The following DCX variants were observed in gnomAD, a reference collection of about 807,000 sequenced individuals.
DCX encodes doublecortin, also known as neuronal migration protein doublecortin.
In DCX, 4 loss-of-function variants were observed where a neutral mutation model predicts 20.9. The observed-to-expected ratio is 0.19, with a 90% CI of 0.09 to 0.44. The LOEUF (loss-of-function observed/expected upper bound fraction) is 0.44. DCX is among the 20% of genes least tolerant of loss of function. The pLI, the probability that DCX is intolerant of heterozygous loss-of-function variation, is 0.99. For synonymous variants in DCX, 103 were observed against 111.4 expected, an observed-to-expected ratio of 0.92 and a Z score of 0.47; for missense variants, 133 against 296.9, an observed-to-expected ratio of 0.45 and a Z score of 4.06.
chrX:111,316,092 A>AAT (rs892595289), intron 5 of DCX, among the ~76,000 whole-genome samples: 9 of 96,357 alleles, frequency 9.3e-5, no homozygotes, highest in Non-Finnish European at 1.4e-4. Flanking sequence ...AAAATAAAAA[A>AAT]AAAAAAAAAA....
intron 3 of DCX, among the ~76,000 whole-genome samples, chrX:111,341,420 G>T (rs931862818): frequency 9.0e-6 from 1 of 111,163 alleles, no homozygotes; most frequent in Non-Finnish European, 1.9e-5. Context: ...AAAGGAGACA[G>T]GGAGAATGGA....
At chrX:111,320,068 C>T (rs949513209) in intron 5 of DCX, among the ~76,000 whole-genome samples, 5 of 112,540 alleles carry the variant, frequency 4.4e-5, no homozygotes, top group Non-Finnish European at 7.5e-5. Flanking sequence ...AACTACCATT[C>T]ACTTCACTGT....
chrX:111,334,717 T>C (rs1268147484), intron 3 of DCX, among the ~76,000 whole-genome samples: 1 of 112,095 alleles, frequency 8.9e-6, no homozygotes, highest in East Asian at 2.8e-4. Flanking sequence ...AGCACTTACA[T>C]ATAGATCAGT....
At position 111,299,263 on chromosome X, in the gene DCX, A is replaced by G. The variant is rs1260634907; in HGVS notation, c.*2424T>C. ...TGGCCATAAAGAAACATTTCCTTAT[A>G]CTCGATTAAAAGTAAGATGGAAGAT... On this transcript the variant is annotated 3_prime_UTR_variant, in exon 7 of 7. Coordinates refer to ENST00000636035, the MANE Select transcript of DCX (RefSeq NM_001195553.2). 1 of 111,462 alleles carries G rather than the reference A, an allele frequency of 9.0e-6. No homozygotes were observed. Among genetic ancestry groups the G allele is most frequent in the Non-Finnish European group, 1.9e-5 (1 of 53,119 alleles). 9.2% of individuals were successfully genotyped at this position (111,462 alleles called of 1,213,427 possible). A position where few individuals can be genotyped will look rare whatever the true frequency, so the allele number is the denominator to read the frequency against.
chrX:111,370,220 C>T, intron 3 of DCX, among the ~76,000 whole-genome samples: 1 of 111,640 alleles, frequency 9.0e-6, no homozygotes, highest in Admixed American at 9.6e-5. Context: ...AGTCATTTTA[C>T]TCTTTAGTAG....
chrX:111,367,745 C>T (rs1306068292), intron 3 of DCX, among the ~76,000 whole-genome samples: 1 of 110,913 alleles, frequency 9.0e-6, no homozygotes, highest in African/African-American at 3.3e-5. Context: ...ATGATAGCCC[C>T]CTCTCAATTT....
chrX:111,384,158 T>C (rs777910716), intron 3 of DCX, among the ~76,000 whole-genome samples: 3 of 111,746 alleles, frequency 2.7e-5, no homozygotes, highest in South Asian at 3.8e-4. Context: ...TTAGCCTTTA[T>C]ACCTTTATCT....
intron 1 of DCX, chrX:111,410,810 T>C (rs1390450382): frequency 1.7e-6 from 2 of 1,211,365 alleles, no homozygotes. Flanking sequence ...AACTGGCATC[T>C]GTTTCCTCAC....
At chrX:111,361,910 C>T (rs762657245) in intron 3 of DCX, among the ~76,000 whole-genome samples, 5 of 111,804 alleles carry the variant, frequency 4.5e-5, no homozygotes, top group East Asian at 2.8e-4. Flanking sequence ...GGAAAACTCT[C>T]GGTTGGTTTT....
intron 3 of DCX, among the ~76,000 whole-genome samples, chrX:111,383,661 C>T (rs1039391075): frequency 2.5e-4 from 28 of 111,336 alleles, no homozygotes; most frequent in African/African-American, 8.8e-4. Flanking sequence ...AGGCAAGGTC[C>T]CTTAATCTGT....
At chrX:111,362,238 T>C (rs187022951) in intron 3 of DCX, among the ~76,000 whole-genome samples, 39 of 111,519 alleles carry the variant, frequency 3.5e-4, no homozygotes, top group African/African-American at 1.3e-3. Context: ...GAATCAGAGC[T>C]TGAGTCGAAG....
intron 3 of DCX, among the ~76,000 whole-genome samples, chrX:111,345,163 T>C (rs35159632): frequency 8.9e-6 from 1 of 111,751 alleles, no homozygotes; most frequent in Non-Finnish European, 1.9e-5. Flanking sequence ...ATTCAATAAA[T>C]GGTACTGGGA....
chrX:111,405,574 G>A (rs1327433344), intron 2 of DCX, among the ~76,000 whole-genome samples: 1 of 111,279 alleles, frequency 9.0e-6, no homozygotes, highest in Non-Finnish European at 1.9e-5. Context: ...TTTGGGTTCA[G>A]AAAAGCTGGC....
At chrX:111,359,061 C>G (rs752723943) in intron 3 of DCX, among the ~76,000 whole-genome samples, 2 of 111,208 alleles carry the variant, frequency 1.8e-5, no homozygotes, top group Non-Finnish European at 3.8e-5. Context: ...AATTGACAAT[C>G]TGATTCTACA....
intron 3 of DCX, among the ~76,000 whole-genome samples, chrX:111,352,928 T>G (rs952544114): frequency 9.1e-6 from 1 of 109,789 alleles, no homozygotes; most frequent in Non-Finnish European, 1.9e-5. Flanking sequence ...GTCAACTGGC[T>G]TAAGTAGAGG....
chrX:111,322,977 T>C (rs2095090259), intron 5 of DCX, among the ~76,000 whole-genome samples: 5 of 112,006 alleles, frequency 4.5e-5, no homozygotes, highest in African/African-American at 1.6e-4. Flanking sequence ...TGCAATATTT[T>C]GACACAGATG....
intron 6 of DCX, among the ~76,000 whole-genome samples, chrX:111,302,266 G>A (rs1248774082): frequency 1.8e-5 from 2 of 112,193 alleles, no homozygotes; most frequent in Non-Finnish European, 3.8e-5. Flanking sequence ...GGAGACTCAT[G>A]TAAGCCATTA....
chrX:111,411,155 A>G (rs964348187), intron 1 of DCX: 9 of 431,645 alleles, frequency 2.1e-5, no homozygotes, highest in African/African-American at 7.5e-5. Flanking sequence ...AGCTGGGGGG[A>G]AAAAGGATTA....
In DCX at chrX:111,297,865, G is replaced by A. The variant is rs2095025118; in HGVS notation, c.*3822C>T. On this transcript the variant is annotated 3_prime_UTR_variant, in exon 7 of 7. Transcript: ENST00000636035. ...AGGAGCCAATGTTTAACATCAGCCA[G>A]GGTACATTTTTGTCACAAAGCCCCT... 9.0e-6 allele frequency: 1 copy of A among 111,370 alleles called. No individual in the cohort carries two copies. Among genetic ancestry groups the A allele is most frequent in the South Asian group, 3.8e-4 (1 of 2,602 alleles). The allele number at this position is 111,370 out of a possible 1,213,427, so 9.2% of individuals were successfully genotyped here.
Sources: gnomAD v4.1 joint callset for allele counts (sites outside exome capture counted in the v4.1 genomes callset) on GRCh38, gnomAD v4.1.1 for gene constraint, MANE v1.5 for transcripts, NCBI Gene and HGNC (gene_info 2026-07-23, HGNC 2026-07-21) for gene names.